SRGAP3: variants seen among roughly 807,000 people sequenced by gnomAD.
The protein encoded by SRGAP3 is SLIT-ROBO Rho GTPase activating protein 3, also known as SLIT-ROBO Rho GTPase-activating protein 3.
SRGAP3 carries 39 observed loss-of-function variants against 121.1 expected under a neutral mutation model. The ratio of observed to expected loss-of-function variants is 0.32; its 90% CI spans 0.25 to 0.42. The LOEUF (loss-of-function observed/expected upper bound fraction) is 0.42. Among genes scored for constraint, SRGAP3 ranks in the 10% least tolerant of loss-of-function variants. SRGAP3 has a pLI of 1.00. For synonymous variants in SRGAP3, 601 were observed against 570.0 expected (o/e 1.05, Z -0.77); for missense variants, 1,213 against 1,470.6 (o/e 0.82, Z 2.86).
At chr3:9,362,162 C>CTTTTTTT (rs36036357) in intron 1 of SRGAP3, among the ~76,000 whole-genome samples, 1 of 90,930 alleles carries the variant, frequency 1.1e-5, no homozygotes, top group Non-Finnish European at 2.1e-5. Context: ...AGGTTCAACT[C>CTTTTTTT]TTTTTTTTTT....
chr3:9,001,462 T>C (rs587684), intron 18 of SRGAP3, among the ~76,000 whole-genome samples: 56,069 of 151,922 alleles, frequency 0.37, 12,023 homozygotes, highest in East Asian at 0.61. Context: ...TTAGAAAATA[T>C]CCACTAAATG....
intron 1 of SRGAP3, among the ~76,000 whole-genome samples, chr3:9,151,811 G>T (rs1358090974): frequency 5.3e-5 from 8 of 152,192 alleles, no homozygotes; most frequent in Non-Finnish European, 1.2e-4. Flanking sequence ...AGTAAGGAAA[G>T]GTATTGCTGC....
intron 3 of SRGAP3, among the ~76,000 whole-genome samples, chr3:9,088,815 T>C (rs1035725853): frequency 1.3e-5 from 2 of 152,148 alleles, no homozygotes; most frequent in African/African-American, 4.8e-5. Context: ...CTGGTAATTC[T>C]AGAAGATCCA....
intron 3 of SRGAP3, among the ~76,000 whole-genome samples, chr3:9,084,080 T>C (rs183150386): frequency 8.6e-5 from 13 of 152,046 alleles, no homozygotes; most frequent in Non-Finnish European, 1.5e-4. Flanking sequence ...TACCTAGGAG[T>C]TCTATTTGAT....
chr3:9,028,969 C>A (rs1164895093), intron 12 of SRGAP3, among the ~76,000 whole-genome samples: 1 of 152,168 alleles, frequency 6.6e-6, no homozygotes, highest in African/African-American at 2.4e-5. Context: ...TCCACCTGTG[C>A]AGCAGGTCCA....
intron 1 of SRGAP3, among the ~76,000 whole-genome samples, chr3:9,344,025 T>C: frequency 6.6e-6 from 1 of 152,236 alleles, no homozygotes; most frequent in East Asian, 1.9e-4. Context: ...TTATCATTTT[T>C]ATAATGAAAA....
chr3:9,194,117 C>T (rs1951849093), intron 1 of SRGAP3: 1 of 152,196 alleles, frequency 6.6e-6, no homozygotes, highest in Non-Finnish European at 1.5e-5. Flanking sequence ...TGAGACTGAG[C>T]AAGACAGAGA....
In SRGAP3 at chr3:9,249,172, G is replaced by A; in HGVS notation, c.-221C>T. ...GAAATGGCTCTAGTAGCTTGCCCTGGTCAGCTCCTCTTGCAAAAGAAGAAT... is the reference window on the plus strand; with the variant it reads ...GAAATGGCTCTAGTAGCTTGCCCTGATCAGCTCCTCTTGCAAAAGAAGAAT... On this transcript the variant is annotated 5_prime_UTR_variant, in exon 1 of 22. Transcript: ENST00000383836. 1.7e-6 allele frequency: 1 copy of A among 597,712 alleles called. No individual in the cohort carries two copies. Among genetic ancestry groups the A allele is most frequent in the Non-Finnish European group, 3.0e-6 (1 of 335,902 alleles). 37.0% of individuals were successfully genotyped at this position (597,712 alleles called of 1,614,324 possible).
intron 3 of SRGAP3, among the ~76,000 whole-genome samples, chr3:9,322,320 C>A (rs17050234): frequency 1.3e-5 from 2 of 151,638 alleles, no homozygotes; most frequent in Admixed American, 6.5e-5. Context: ...TTTCCAAGTG[C>A]GTTAAGTGGC....
intron 3 of SRGAP3, among the ~76,000 whole-genome samples, chr3:9,266,695 A>C (rs1368706198): frequency 6.6e-6 from 1 of 151,662 alleles, no homozygotes; most frequent in Non-Finnish European, 1.5e-5. Flanking sequence ...GACCTTAGGC[A>C]TTTGGCAGAA....
chr3:8,998,643 T>C (rs1374881392), intron 18 of SRGAP3, among the ~76,000 whole-genome samples: 1 of 152,156 alleles, frequency 6.6e-6, no homozygotes, highest in Non-Finnish European at 1.5e-5. Context: ...TATCAATCTT[T>C]CCTACCAAAG....
intron 1 of SRGAP3, among the ~76,000 whole-genome samples, chr3:9,358,474 T>C (rs2030633120): frequency 1.3e-5 from 2 of 152,152 alleles, no homozygotes; most frequent in African/African-American, 2.4e-5. Context: ...ACAAAAACAG[T>C]CAAGACTTCT....
intron 1 of SRGAP3, among the ~76,000 whole-genome samples, chr3:9,215,136 C>T (rs996878938): frequency 2.0e-5 from 3 of 152,118 alleles, no homozygotes; most frequent in Admixed American, 6.6e-5. Context: ...TTTCAACAAA[C>T]GATCAAAAGA....
intron 1 of SRGAP3, among the ~76,000 whole-genome samples, chr3:9,204,283 G>A (rs1405094220): frequency 6.6e-6 from 1 of 152,260 alleles, no homozygotes; most frequent in Non-Finnish European, 1.5e-5. Flanking sequence ...GACAGCCTCA[G>A]GGCCTGGACA....
chr3:8,992,605 G>T, intron 20 of SRGAP3: 1 of 494,040 alleles, frequency 2.0e-6, no homozygotes, highest in South Asian at 2.2e-5. Context: ...CTGGACACAG[G>T]TAGGAAAAAT....
intron 3 of SRGAP3, among the ~76,000 whole-genome samples, chr3:9,292,080 T>C (rs1371860154): frequency 2.0e-5 from 3 of 152,250 alleles, no homozygotes; most frequent in Admixed American, 1.3e-4. Flanking sequence ...GTAGTGATTC[T>C]GTTTTGTTTT....
At chr3:9,359,899 A>G (rs1278019401) in intron 1 of SRGAP3, among the ~76,000 whole-genome samples, 1 of 152,254 alleles carries the variant, frequency 6.6e-6, no homozygotes, top group African/African-American at 2.4e-5. Flanking sequence ...GACTAAATCA[A>G]TAAGGCCGCT....
intron 18 of SRGAP3, among the ~76,000 whole-genome samples, chr3:9,008,909 G>C (rs1221196050): frequency 6.6e-6 from 1 of 152,192 alleles, no homozygotes; most frequent in African/African-American, 2.4e-5. Context: ...TTTCCACTGA[G>C]AGTTTGGGTA....
chr3:8,984,593 G>A lies in SRGAP3; in HGVS notation c.*926C>T, dbSNP rs1285792753. The A allele has an allele frequency of 4.3e-6, 1 of 232,698 alleles. No individual in the cohort carries two copies. The highest frequency in any genetic ancestry group is 8.5e-6 in the Non-Finnish European group (1 of 117,798). 14.4% of individuals were successfully genotyped at this position (232,698 alleles called of 1,614,324 possible). ...AATACTGTGCTACGATGGGGCTTAGGTTCTCACTATCCCCCGTCTCTACAC... is the reference window on the plus strand; with the variant it reads ...AATACTGTGCTACGATGGGGCTTAGATTCTCACTATCCCCCGTCTCTACAC... On this transcript the variant is annotated 3_prime_UTR_variant, in exon 22 of 22. Transcript: ENST00000383836.
Sources: allele counts gnomAD v4.1 joint callset (sites outside exome capture counted in the v4.1 genomes callset), GRCh38; gene constraint gnomAD v4.1.1; transcripts MANE v1.5; gene names NCBI Gene and HGNC (gene_info 2026-07-23, HGNC 2026-07-21).